ROCK2: variants seen among roughly 807,000 people sequenced by gnomAD.
ROCK2 encodes Rho associated coiled-coil containing protein kinase 2.
A neutral mutation model predicts 195.1 loss-of-function variants in ROCK2; 61 were observed. That is an observed-to-expected ratio of 0.31 (90% confidence interval 0.25 to 0.39). The LOEUF (loss-of-function observed/expected upper bound fraction) is 0.39. Ranked by LOEUF, ROCK2 falls within the 10% of genes least tolerant of loss-of-function variation. The pLI, the probability that ROCK2 is intolerant of heterozygous loss-of-function variation, is 1.00. For missense variants in ROCK2, 1,109 were observed against 1,637.4 expected, an observed-to-expected ratio of 0.68 and a Z score of 5.57; for synonymous variants, 504 against 545.5, an observed-to-expected ratio of 0.92 and a Z score of 1.06.
intron 3 of ROCK2, among the ~76,000 whole-genome samples, chr2:11,255,780 C>A (rs1251234593): frequency 2.0e-5 from 3 of 149,876 alleles, no homozygotes; most frequent in African/African-American, 5.0e-5. Flanking sequence ...ATTAGCCAGG[C>A]ATGGTGGCAT....
At chr2:11,275,611 T>TA (rs1666796179) in intron 3 of ROCK2, among the ~76,000 whole-genome samples, 1 of 151,974 alleles carries the variant, frequency 6.6e-6, no homozygotes, top group Non-Finnish European at 1.5e-5. Flanking sequence ...AATCGCTGTA[T>TA]TAAACCACAT....
In ROCK2 at chr2:11,197,554, T is replaced by C. The variant is rs2148038023; in HGVS notation, c.3251A>G (p.Tyr1084Cys). 6.2e-7 allele frequency: 1 copy of C among 1,613,262 alleles called. No individual in the cohort carries two copies. Among genetic ancestry groups the C allele is most frequent in the Non-Finnish European group, 8.5e-7 (1 of 1,179,706 alleles). The change falls in exon 26 of 33, where the codon TAT becomes TGT. Residue 1084 changes from tyrosine to cysteine, a missense_variant. Transcript: ENST00000315872. This position sits in a 1 kb window ranked among gnomAD's most constrained non-coding sequence, Gnocchi z 4.9. ...REKLTQQMIK[Y>C]QKELNEMQAQ... ...CTGCATTTCATTCAGTTCTTTCTGA[T>C]ACTTGATCATCTGCTGGGTCAATTT... is the stretch of plus-strand genomic sequence containing the variant.
chr2:11,238,634 G>A (rs1665312572), intron 4 of ROCK2, among the ~76,000 whole-genome samples: 1 of 152,142 alleles, frequency 6.6e-6, no homozygotes, highest in Non-Finnish European at 1.5e-5. Flanking sequence ...GATGACTTGA[G>A]GCCAGGAATT....
At position 11,344,327 on chromosome 2, in the gene ROCK2, G is replaced by C; in HGVS notation, c.-191C>G. 9.0e-7 allele frequency: 1 copy of C among 1,107,008 alleles called. No individual in the cohort carries two copies. The highest frequency in any genetic ancestry group is 1.1e-6 in the Non-Finnish European group (1 of 895,028). 68.6% of individuals were successfully genotyped at this position (1,107,008 alleles called of 1,614,324 possible). The stretch of plus-strand genomic sequence containing the variant: ...TGCTCCCAGGGGCCCGCCCGGCCCA[G>C]CCCGGCCCAGCCCGGCCCGGCCCTG... On this transcript the variant is annotated 5_prime_UTR_variant, in exon 1 of 33. Transcript: ENST00000315872. The surrounding 1 kb of genome is among the most constrained non-coding windows in gnomAD (Gnocchi z 5.4).
At chr2:11,240,020 T>C (rs1343420175) in intron 4 of ROCK2, among the ~76,000 whole-genome samples, 4 of 152,190 alleles carry the variant, frequency 2.6e-5, no homozygotes, top group Non-Finnish European at 4.4e-5. Context: ...AGAATAAAAG[T>C]GCATTTCTCT....
chr2:11,342,354 T>C (rs116552160), intron 1 of ROCK2, among the ~76,000 whole-genome samples: 3,670 of 152,296 alleles, frequency 0.024, 59 homozygotes, highest in Non-Finnish European at 0.033. Context: ...CTTTTAAAAA[T>C]AGCCTCCATT....
chr2:11,265,616 A>C (rs1006662693), intron 3 of ROCK2, among the ~76,000 whole-genome samples: 4 of 152,208 alleles, frequency 2.6e-5, no homozygotes, highest in Non-Finnish European at 4.4e-5. Flanking sequence ...GAAAATGGTA[A>C]TAGGGAGAAA....
At chr2:11,253,286 T>C (rs1275750059) in intron 3 of ROCK2, among the ~76,000 whole-genome samples, 2 of 152,188 alleles carry the variant, frequency 1.3e-5, no homozygotes, top group Admixed American at 1.3e-4. Flanking sequence ...TTGTTCATAC[T>C]TCAGACACAC....
chr2:11,214,855 T>C lies in ROCK2; in HGVS notation c.1921A>G (p.Ile641Val). Residue 641 changes from isoleucine (I) to valine (V), a missense_variant, in exon 16 of 33, where the codon ATT becomes GTT. By Grantham distance (29) the Ile-to-Val change is conservative. Coordinates refer to ENST00000315872, the MANE Select transcript of ROCK2 (RefSeq NM_004850.5). Reference sequence around the variant, plus strand: ...ACTTCAATACCTTGTAAATCATTAATTATCTCTGATCCATGGGTTCGATCC... The same window carrying C: ...ACTTCAATACCTTGTAAATCATTAACTATCTCTGATCCATGGGTTCGATCC... ...RRDRTHGSEI[I>V]NDLQGRICGL... is the part of the protein sequence containing the mutation. 6.2e-7 allele frequency: 1 copy of C among 1,609,146 alleles called. No individual in the cohort carries two copies. The highest frequency in any genetic ancestry group is 8.5e-7 in the Non-Finnish European group (1 of 1,178,344).
In ROCK2 at chr2:11,207,791, C is replaced by A; in HGVS notation, c.2484G>T (p.Lys828Asn). 2 of 1,611,214 alleles carry A rather than the reference C, an allele frequency of 1.2e-6. No homozygotes were observed. Among genetic ancestry groups the A allele is most frequent in the South Asian group, 1.1e-5 (1 of 90,732 alleles). Residue 828 changes from lysine to asparagine, a missense_variant, in exon 20 of 33, where the codon AAG becomes AAT. Physicochemically the swap from Lys to Asn is moderately conservative, Grantham distance 94. Coordinates refer to ENST00000315872, the MANE Select transcript of ROCK2 (RefSeq NM_004850.5). ...TTTCCATGAGATGGTTATTTTCTTG[C>A]TTTAACTGCTTTTCTGACATTTTTA... ...NTLKMSEKQL[K>N]QENNHLMEMK...
chr2:11,213,041 G>T (rs1664301650), intron 17 of ROCK2, among the ~76,000 whole-genome samples: 1 of 152,092 alleles, frequency 6.6e-6, no homozygotes, highest in African/African-American at 2.4e-5. Context: ...ACTCATCTTT[G>T]ACTGCTACTC....
intron 11 of ROCK2, 51 bp from the exon 12 acceptor site, chr2:11,217,220 T>TTA: frequency 1.1e-6 from 1 of 888,810 alleles, no homozygotes; most frequent in South Asian, 1.4e-5. Context: ...TATTTAAAGA[T>TTA]GAGAGGCTTA....
intron 3 of ROCK2, among the ~76,000 whole-genome samples, chr2:11,274,630 C>T (rs1666761295): frequency 6.6e-6 from 1 of 152,166 alleles, no homozygotes; most frequent in Non-Finnish European, 1.5e-5. Flanking sequence ...CCAAAACTTT[C>T]CTGACATAGA....
At chr2:11,291,630 T>C (rs1056688327) in intron 1 of ROCK2, among the ~76,000 whole-genome samples, 3 of 152,212 alleles carry the variant, frequency 2.0e-5, no homozygotes, top group African/African-American at 7.2e-5. Flanking sequence ...GGAAATACTC[T>C]GCCAACCTGG....
chr2:11,238,600 C>A (rs1450959732), intron 4 of ROCK2, among the ~76,000 whole-genome samples: 1 of 152,164 alleles, frequency 6.6e-6, no homozygotes, highest in African/African-American at 2.4e-5. Context: ...GTAATCCCAA[C>A]ACTTGAGGAG....
intron 1 of ROCK2, chr2:11,308,226 G>A: frequency 7.1e-7 from 1 of 1,403,746 alleles, no homozygotes; most frequent in Non-Finnish European, 1.0e-6. Context: ...ATTGCAACAT[G>A]CTTAGAATTG....
At chr2:11,225,477 A>G (rs1182594885) in intron 6 of ROCK2, among the ~76,000 whole-genome samples, 2 of 150,934 alleles carry the variant, frequency 1.3e-5, no homozygotes, top group Non-Finnish European at 3.0e-5. Flanking sequence ...TCTTATGTTA[A>G]AAATTTTTTA....
chr2:11,294,411 G>GAATTATATGGTGTT (rs11273571), intron 1 of ROCK2, among the ~76,000 whole-genome samples: 2 of 152,212 alleles, frequency 1.3e-5, no homozygotes, highest in Admixed American at 6.5e-5. Flanking sequence ...ACAGACTGTG[G>GAATTATATGGTGTT]AATTATATGG....
At chr2:11,256,446 GC>G in intron 3 of ROCK2, among the ~76,000 whole-genome samples, 2 of 151,420 alleles carry the variant, frequency 1.3e-5, no homozygotes, top group Non-Finnish European at 2.9e-5. Flanking sequence ...CCTGAGGCCT[GC>G]CCAGCCACGC....
Sources: allele counts gnomAD v4.1 joint callset (sites outside exome capture counted in the v4.1 genomes callset), GRCh38; gene constraint gnomAD v4.1.1; non-coding constraint Gnocchi (gnomAD v3.1); transcripts MANE v1.5; gene names NCBI Gene and HGNC (gene_info 2026-07-23, HGNC 2026-07-21).